MACROD2: variants seen among roughly 807,000 people sequenced by gnomAD.
The protein encoded by MACROD2 is mono-ADP ribosylhydrolase 2.
In MACROD2, 36 loss-of-function variants were observed where a neutral mutation model predicts 70.4. The ratio of observed to expected loss-of-function variants is 0.51; its 90% CI spans 0.39 to 0.68. The LOEUF (loss-of-function observed/expected upper bound fraction) is 0.68, where lower values mean the gene tolerates loss of function less well. Among genes scored for constraint, MACROD2 ranks in the 30% least tolerant of loss-of-function variants. MACROD2 has a pLI of 0.00. For synonymous variants in MACROD2, 172 were observed against 178.8 expected (o/e 0.96, Z 0.30); for missense variants, 496 against 538.4 (o/e 0.92, Z 0.78).
At chr20:15,936,669 G>GTATATATATATATATATATATATATATA (rs1568653268) in intron 11 of MACROD2, among the ~76,000 whole-genome samples, 2 of 33,126 alleles carry the variant, frequency 6.0e-5, no homozygotes, top group African/African-American at 1.5e-4. Context: ...GTGTATATGT[G>GTATATATATATATATATATATATATATA]TGTATATATA....
intron 5 of MACROD2, among the ~76,000 whole-genome samples, chr20:15,097,091 C>T (rs1027935664): frequency 1.3e-5 from 2 of 152,104 alleles, no homozygotes; most frequent in Non-Finnish European, 2.9e-5. Context: ...GGATTACAGG[C>T]ATGAACCACT....
chr20:15,267,598 C>T (rs1438214556), intron 6 of MACROD2, among the ~76,000 whole-genome samples: 1 of 152,206 alleles, frequency 6.6e-6, no homozygotes, highest in Non-Finnish European at 1.5e-5. Context: ...GCCTCTGACT[C>T]AACCCCCAGG....
At chr20:15,918,899 G>A (rs969563545) in intron 10 of MACROD2, among the ~76,000 whole-genome samples, 2 of 152,084 alleles carry the variant, frequency 1.3e-5, no homozygotes, top group Non-Finnish European at 2.9e-5. Flanking sequence ...AACCAATGAG[G>A]GGCTCTGCAT....
chr20:16,035,058 A>C (rs1438251806), intron 15 of MACROD2, among the ~76,000 whole-genome samples: 1 of 136,350 alleles, frequency 7.3e-6, no homozygotes, highest in African/African-American at 2.7e-5. Context: ...ATAGAATATA[A>C]AATATTATAT....
intron 8 of MACROD2, among the ~76,000 whole-genome samples, chr20:15,733,619 A>G (rs552464288): frequency 3.9e-5 from 6 of 152,278 alleles, no homozygotes; most frequent in African/African-American, 1.4e-4. Flanking sequence ...ATTGACGTAG[A>G]CTTAACACTG....
At chr20:14,450,195 TA>T (rs991966118) in intron 3 of MACROD2, among the ~76,000 whole-genome samples, 1 of 152,122 alleles carries the variant, frequency 6.6e-6, no homozygotes, top group Non-Finnish European at 1.5e-5. Context: ...ATGACAATAT[TA>T]AAAAATAATA....
At chr20:15,949,721 G>A (rs749998051) in intron 12 of MACROD2, among the ~76,000 whole-genome samples, 19 of 152,230 alleles carry the variant, frequency 1.2e-4, no homozygotes, top group Non-Finnish European at 1.9e-4. Context: ...AATGGAAGGT[G>A]CCTAGTCCAT....
chr20:15,053,357 G>A (rs1384341745), intron 5 of MACROD2, among the ~76,000 whole-genome samples: 1 of 152,186 alleles, frequency 6.6e-6, no homozygotes, highest in Non-Finnish European at 1.5e-5. Flanking sequence ...GGCAGGCTGA[G>A]TCTATTGTTA....
chr20:15,979,199 C>T (rs2066357882), intron 13 of MACROD2, among the ~76,000 whole-genome samples: 1 of 152,174 alleles, frequency 6.6e-6, no homozygotes, highest in South Asian at 2.1e-4. Context: ...TCACTGGGGG[C>T]TCAACAACAA....
chr20:14,325,200 T>G (rs2082714494), intron 3 of MACROD2: 1 of 168,818 alleles, frequency 5.9e-6, no homozygotes, highest in Admixed American at 6.1e-5. Context: ...GCAGTCCTGA[T>G]TGTTCGACAC....
At chr20:15,637,743 T>A (rs2049392582) in intron 8 of MACROD2, among the ~76,000 whole-genome samples, 1 of 152,142 alleles carries the variant, frequency 6.6e-6, no homozygotes, top group Non-Finnish European at 1.5e-5. Context: ...GAGCCGCGGT[T>A]GTGGGCTGAT....
At chr20:14,359,189 A>G (rs2083199634) in intron 3 of MACROD2, among the ~76,000 whole-genome samples, 1 of 151,890 alleles carries the variant, frequency 6.6e-6, no homozygotes, top group South Asian at 2.1e-4. Flanking sequence ...CTCTGTCTCA[A>G]AAACAAACAA....
chr20:14,055,212 T>C (rs768434951), intron 2 of MACROD2, among the ~76,000 whole-genome samples: 6 of 152,168 alleles, frequency 3.9e-5, no homozygotes, highest in Non-Finnish European at 7.4e-5. Flanking sequence ...CATGAAATAA[T>C]GTTTTAAGCA....
At chr20:15,744,014 C>A (rs1346272248) in intron 8 of MACROD2, among the ~76,000 whole-genome samples, 1 of 152,148 alleles carries the variant, frequency 6.6e-6, no homozygotes, top group Non-Finnish European at 1.5e-5. Context: ...CAATTGACAA[C>A]CCCCTTCTTT....
intron 8 of MACROD2, among the ~76,000 whole-genome samples, chr20:15,610,109 G>A (rs1187478673): frequency 1.3e-5 from 2 of 152,140 alleles, no homozygotes; most frequent in East Asian, 1.9e-4. Context: ...TTCACTTAAC[G>A]TAAACTGCTC....
chr20:15,521,187 C>T (rs1399003692), intron 8 of MACROD2, among the ~76,000 whole-genome samples: 2 of 152,150 alleles, frequency 1.3e-5, no homozygotes, highest in African/African-American at 2.4e-5. Flanking sequence ...GGTGAAGAAT[C>T]GTGCATCTAC....
At chr20:15,468,932 G>C (rs1377355783) in intron 7 of MACROD2, among the ~76,000 whole-genome samples, 1 of 152,138 alleles carries the variant, frequency 6.6e-6, no homozygotes, top group Non-Finnish European at 1.5e-5. Context: ...TGGAATTTCT[G>C]TTCACTTTGC....
intron 3 of MACROD2, among the ~76,000 whole-genome samples, chr20:14,311,653 G>A (rs1174894089): frequency 6.6e-6 from 1 of 152,130 alleles, no homozygotes; most frequent in African/African-American, 2.4e-5. Context: ...AAGTAGCTGG[G>A]ATTACAGATG....
At chr20:14,700,984 C>G (rs573424915) in intron 5 of MACROD2, among the ~76,000 whole-genome samples, 1 of 152,098 alleles carries the variant, frequency 6.6e-6, no homozygotes, top group Admixed American at 6.6e-5. Context: ...ATAGAGACCC[C>G]CGAATTCATC....
Sources: gnomAD v4.1 joint callset for allele counts (sites outside exome capture counted in the v4.1 genomes callset) on GRCh38, gnomAD v4.1.1 for gene constraint, MANE v1.5 for transcripts, NCBI Gene and HGNC (gene_info 2026-07-23, HGNC 2026-07-21) for gene names.